LEMD1: variants seen among roughly 807,000 people sequenced by gnomAD.
LEMD1 encodes LEM domain-containing protein 1.
LEMD1 carries 18 observed loss-of-function variants against 17.4 expected under a neutral mutation model. That is an observed-to-expected ratio of 1.04 (90% CI 0.72 to 1.54). The LOEUF (loss-of-function observed/expected upper bound fraction) is 1.54, where lower values mean the gene tolerates loss of function less well. LEMD1 is among the 40% of genes most tolerant of loss of function. LEMD1 has a pLI of 0.00. For synonymous variants in LEMD1, 88 were observed against 77.8 expected (o/e 1.13, Z -0.69); for missense variants, 195 against 210.4 (o/e 0.93, Z 0.45).
intron 4 of LEMD1, among the ~76,000 whole-genome samples, chr1:205,400,646 A>C (rs1425688035): frequency 6.6e-6 from 1 of 152,022 alleles, no homozygotes; most frequent in Non-Finnish European, 1.5e-5. Context: ...TTCCTGAGTA[A>C]TAGGTGTGAT....
intron 1 of LEMD1, among the ~76,000 whole-genome samples, chr1:205,431,609 T>TATA (rs1290406120): frequency 6.6e-6 from 1 of 152,148 alleles, no homozygotes; most frequent in African/African-American, 2.4e-5. Context: ...CCACCCACTT[T>TATA]ATAAGTAGGG....
At chr1:205,445,427 CCTT>C (rs1428869956) in intron 1 of LEMD1, among the ~76,000 whole-genome samples, 2 of 152,252 alleles carry the variant, frequency 1.3e-5, no homozygotes, top group African/African-American at 2.4e-5. Context: ...GAGGTTAACT[CCTT>C]CTTGGCCTGC....
chr1:205,391,946 GA>G (rs60047814), intron 4 of LEMD1, among the ~76,000 whole-genome samples: 9,073 of 109,778 alleles, frequency 0.083, 477 homozygotes, highest in African/African-American at 0.18. Flanking sequence ...CGTCTCTACC[GA>G]AAAAAAAAAA....
chr1:205,394,980 C>T (rs866461469), intron 4 of LEMD1, among the ~76,000 whole-genome samples: 4 of 150,518 alleles, frequency 2.7e-5, no homozygotes, highest in South Asian at 2.1e-4. Flanking sequence ...CAGTGAGACT[C>T]CTTCTCAAAA....
At chr1:205,383,210 C>G (rs963673267) in intron 5 of LEMD1, among the ~76,000 whole-genome samples, 1 of 152,202 alleles carries the variant, frequency 6.6e-6, no homozygotes, top group African/African-American at 2.4e-5. Context: ...CCTTCTGCGT[C>G]AGCCTCCCAG....
chr1:205,422,378 A>G (rs1665987921), upstream of LEMD1, among the ~76,000 whole-genome samples: 1 of 152,228 alleles, frequency 6.6e-6, no homozygotes, highest in South Asian at 2.1e-4. Flanking sequence ...CAAAAGGCCC[A>G]TACTAGTAGT....
At chr1:205,404,136 T>C (rs1013129838) in intron 4 of LEMD1, among the ~76,000 whole-genome samples, 4 of 152,312 alleles carry the variant, frequency 2.6e-5, no homozygotes, top group African/African-American at 9.6e-5. Context: ...GTGGTCAATT[T>C]TGAAATAGGT....
chr1:205,408,226 G>A (rs1461621239), intron 4 of LEMD1, among the ~76,000 whole-genome samples: 3 of 152,150 alleles, frequency 2.0e-5, no homozygotes, highest in African/African-American at 7.2e-5. Flanking sequence ...TGGTGGTTAT[G>A]TAGGAGAGTG....
chr1:205,417,364 C>T (rs72748909), intron 3 of LEMD1, among the ~76,000 whole-genome samples: 7,269 of 152,240 alleles, frequency 0.048, 250 homozygotes, highest in Middle Eastern at 0.085. Context: ...ATGCTGGGAC[C>T]CAGGACGGCG....
At chr1:205,420,419 G>T (rs1194311568) in intron 2 of LEMD1, 36 bp downstream of exon 2, 15 of 1,474,958 alleles carry the variant, frequency 1.0e-5, no homozygotes, top group Non-Finnish European at 1.3e-5. Context: ...AACCATAAAT[G>T]ACAAGTCTGT....
rs528577943 is a variant in LEMD1, at chr1:205,410,957, TAGAG to T, written c.270+5271_270+5274del. On this transcript the variant is annotated intron_variant, in intron 4 of 5. Transcript: ENST00000367153. ...AAAGAAAGGAAGGGAAAGGAAGAAA[TAGAG>T]AAAGAAAGAAGGAAAGAAAGGAAGG... Among the ~76,000 whole-genome samples, 11 of 103,416 alleles carry T rather than the reference TAGAG, an allele frequency of 1.1e-4. No homozygotes were observed. The East Asian group carries it at 2.7e-3, about 26-fold the overall frequency. 67.8% of individuals were successfully genotyped at this position (103,416 alleles called of 152,430 possible).
At chr1:205,427,929 A>G (rs1275017865) in intron 1 of LEMD1, among the ~76,000 whole-genome samples, 1 of 152,216 alleles carries the variant, frequency 6.6e-6, no homozygotes, top group East Asian at 1.9e-4. Flanking sequence ...ACTGTTCCAG[A>G]GCATTATAAC....
At chr1:205,427,487 G>GAA (rs1666072637) in intron 1 of LEMD1, among the ~76,000 whole-genome samples, 1 of 139,896 alleles carries the variant, frequency 7.1e-6, no homozygotes, top group South Asian at 2.1e-4. Context: ...GAACATTTGA[G>GAA]AGAGAGAGAG....
At chr1:205,399,601 T>C (rs983024019) in intron 4 of LEMD1, among the ~76,000 whole-genome samples, 2 of 152,200 alleles carry the variant, frequency 1.3e-5, no homozygotes, top group Non-Finnish European at 1.5e-5. Context: ...AAGTATAAGA[T>C]GAGTCTGAAA....
intron 4 of LEMD1, among the ~76,000 whole-genome samples, chr1:205,388,573 T>G (rs959183425): frequency 2.0e-5 from 3 of 152,200 alleles, no homozygotes; most frequent in Non-Finnish European, 2.9e-5. Context: ...CTTAGGGAGC[T>G]GAGTTATTTG....
chr1:205,387,721 C>T (rs1664103241), intron 4 of LEMD1, among the ~76,000 whole-genome samples: 1 of 152,130 alleles, frequency 6.6e-6, no homozygotes, highest in Admixed American at 6.5e-5. Context: ...GCTTTTCCAC[C>T]CTCTTTGCTA....
intron 4 of LEMD1, among the ~76,000 whole-genome samples, chr1:205,390,612 C>A (rs996914154): frequency 2.0e-5 from 3 of 152,110 alleles, no homozygotes; most frequent in Non-Finnish European, 4.4e-5. Flanking sequence ...AAATAATCTG[C>A]AGAAAAAGTA....
intron 3 of LEMD1, among the ~76,000 whole-genome samples, chr1:205,418,806 C>A (rs6695325): frequency 1.3e-5 from 2 of 152,110 alleles, no homozygotes; most frequent in African/African-American, 4.8e-5. Flanking sequence ...AGGTGGGAGC[C>A]ATCAGTGTGG....
intron 4 of LEMD1, among the ~76,000 whole-genome samples, chr1:205,396,187 A>G (rs1175492513): frequency 6.6e-6 from 1 of 152,114 alleles, no homozygotes; most frequent in Admixed American, 6.5e-5. Context: ...GTTTTCTTAA[A>G]TTTTATTTTT....
Sources: allele counts gnomAD v4.1 joint callset (sites outside exome capture counted in the v4.1 genomes callset), GRCh38; gene constraint gnomAD v4.1.1; transcripts MANE v1.5; gene names NCBI Gene and HGNC (gene_info 2026-07-23, HGNC 2026-07-21).